Variants in ROBO1 observed in about 807,000 individuals in gnomAD.
The protein encoded by ROBO1 is roundabout guidance receptor 1.
A neutral mutation model predicts 195.9 loss-of-function variants in ROBO1; 149 were observed. The ratio of observed to expected loss-of-function variants is 0.76; its 90% CI spans 0.67 to 0.87. The LOEUF (loss-of-function observed/expected upper bound fraction) is 0.87. Among genes scored for constraint, ROBO1 ranks in the 40% least tolerant of loss-of-function variants. ROBO1 has a pLI of 0.00. For missense variants in ROBO1, 1,933 were observed against 2,068.3 expected (o/e 0.93, Z 1.27); for synonymous variants, 816 against 733.2 (o/e 1.11, Z -1.82).
Position 78,685,730 on chromosome 3 carries a change from A to T in ROBO1, c.1342+16T>A. ...TCAAACTTGGACATTTTGAAATAAA[A>T]TGTTTTACACTTTACCATCTGTAAC... On this transcript the variant is annotated intron_variant, in intron 10 of 30. Transcript: ENST00000464233. The T allele has an allele frequency of 3.2e-6, 5 of 1,555,010 alleles. No individual in the cohort carries two copies. The highest frequency in any genetic ancestry group is 4.4e-6 in the Non-Finnish European group (5 of 1,140,220).
chr3:78,803,179 C>G (rs2084420892), intron 4 of ROBO1, among the ~76,000 whole-genome samples: 1 of 152,156 alleles, frequency 6.6e-6, no homozygotes, highest in Non-Finnish European at 1.5e-5. Context: ...AACTAATCAA[C>G]CTGCCTGATC....
At chr3:79,743,883 C>G (rs1020338149) in intron 1 of ROBO1, among the ~76,000 whole-genome samples, 5 of 152,168 alleles carry the variant, frequency 3.3e-5, no homozygotes, top group African/African-American at 1.2e-4. Context: ...GCACACGGAG[C>G]CGTCGTCTCT....
At chr3:78,846,199 TAGTC>T (rs1294111501) in intron 4 of ROBO1, among the ~76,000 whole-genome samples, 3 of 152,110 alleles carry the variant, frequency 2.0e-5, no homozygotes, top group Non-Finnish European at 2.9e-5. Flanking sequence ...AGTCACCACA[TAGTC>T]AGTACAAGTG....
intron 2 of ROBO1, among the ~76,000 whole-genome samples, chr3:79,545,441 G>C (rs1318955434): frequency 6.6e-6 from 1 of 152,080 alleles, no homozygotes; most frequent in African/African-American, 2.4e-5. Context: ...GACCATTCTT[G>C]CTAACCTTGC....
intron 1 of ROBO1, among the ~76,000 whole-genome samples, chr3:79,624,646 G>A (rs184540908): frequency 6.5e-4 from 98 of 151,884 alleles, no homozygotes; most frequent in African/African-American, 2.1e-3. Context: ...CAAGAAGAGC[G>A]AACTATTATA....
chr3:78,913,309 A>G (rs2038361001), intron 4 of ROBO1, among the ~76,000 whole-genome samples: 1 of 152,102 alleles, frequency 6.6e-6, no homozygotes, highest in African/African-American at 2.4e-5. Context: ...ATAGAAATCA[A>G]ACCCAAAATT....
At chr3:79,033,134 C>A (rs1172356107) in intron 3 of ROBO1, among the ~76,000 whole-genome samples, 2 of 152,148 alleles carry the variant, frequency 1.3e-5, no homozygotes, top group African/African-American at 4.8e-5. Flanking sequence ...CCTAAACACT[C>A]ATTAATTCAA....
chr3:79,760,039 C>T (rs995142572), intron 1 of ROBO1, among the ~76,000 whole-genome samples: 5 of 151,558 alleles, frequency 3.3e-5, no homozygotes, highest in Admixed American at 2.0e-4. Flanking sequence ...GAGTTTGAGT[C>T]CAGCCTGGCC....
chr3:79,548,014 G>A (rs1332426790), intron 2 of ROBO1, among the ~76,000 whole-genome samples: 1 of 152,150 alleles, frequency 6.6e-6, no homozygotes, highest in African/African-American at 2.4e-5. Context: ...GGACATATGA[G>A]CAAGTTTCCC....
intron 1 of ROBO1, among the ~76,000 whole-genome samples, chr3:79,695,119 T>C (rs2107114346): frequency 6.6e-6 from 1 of 151,776 alleles, no homozygotes; most frequent in Non-Finnish European, 1.5e-5. Flanking sequence ...TTACACCAGC[T>C]ATGTGTTATG....
At chr3:79,709,045 A>T (rs1702172464) in intron 1 of ROBO1, among the ~76,000 whole-genome samples, 1 of 152,178 alleles carries the variant, frequency 6.6e-6, no homozygotes, top group African/African-American at 2.4e-5. Context: ...TGTTCATTAC[A>T]CACAGGCACA....
At chr3:78,862,496 T>C (rs545745016) in intron 4 of ROBO1, among the ~76,000 whole-genome samples, 3 of 152,272 alleles carry the variant, frequency 2.0e-5, no homozygotes, top group African/African-American at 2.4e-5. Flanking sequence ...CTGACCTACA[T>C]AAATTGTAAG....
chr3:79,633,353 C>CT (rs58016604), intron 1 of ROBO1, among the ~76,000 whole-genome samples: 1,479 of 119,878 alleles, frequency 0.012, 56 homozygotes, highest in African/African-American at 0.039. Context: ...TTTTGCATTT[C>CT]TTTTTTTTTT....
intron 2 of ROBO1, among the ~76,000 whole-genome samples, chr3:79,337,293 A>G (rs1054490062): frequency 2.0e-5 from 3 of 152,220 alleles, no homozygotes; most frequent in Non-Finnish European, 4.4e-5. Flanking sequence ...GTTCCCACCC[A>G]CAATCTCATT....
At chr3:78,603,742 T>G (rs1226051270) in intron 29 of ROBO1, among the ~76,000 whole-genome samples, 2 of 152,100 alleles carry the variant, frequency 1.3e-5, no homozygotes, top group East Asian at 3.9e-4. Context: ...TGCATAAAAA[T>G]GATCACTTAA....
chr3:78,705,876 T>C (rs2081538241), intron 8 of ROBO1, among the ~76,000 whole-genome samples: 1 of 152,128 alleles, frequency 6.6e-6, no homozygotes, highest in Non-Finnish European at 1.5e-5. Context: ...CTTCACCTTG[T>C]AGATGGCAGA....
intron 4 of ROBO1, among the ~76,000 whole-genome samples, chr3:78,823,648 G>A (rs750308277): frequency 2.6e-5 from 4 of 152,034 alleles, no homozygotes; most frequent in East Asian, 1.9e-4. Flanking sequence ...CTTTTACCTC[G>A]TGGTCTTTGA....
intron 2 of ROBO1, among the ~76,000 whole-genome samples, chr3:79,542,064 C>A (rs1398626277): frequency 6.6e-6 from 1 of 151,832 alleles, no homozygotes; most frequent in Non-Finnish European, 1.5e-5. Context: ...ATTTTACAGG[C>A]TTTGCTCTTT....
chr3:78,936,561 T>C (rs143842424), intron 4 of ROBO1, among the ~76,000 whole-genome samples: 55 of 152,196 alleles, frequency 3.6e-4, no homozygotes, highest in African/African-American at 1.2e-3. Context: ...ATACTGAATA[T>C]GTATGGTCTT....
Sources: gnomAD v4.1 joint callset for allele counts (sites outside exome capture counted in the v4.1 genomes callset) on GRCh38, gnomAD v4.1.1 for gene constraint, MANE v1.5 for transcripts, NCBI Gene and HGNC (gene_info 2026-07-23, HGNC 2026-07-21) for gene names.